INSIG2: variants seen among roughly 807,000 people sequenced by gnomAD.
INSIG2 encodes the protein insulin induced gene 2, also known as insulin-induced gene 2 protein.
INSIG2 carries 10 observed loss-of-function variants against 27.2 expected under a neutral mutation model. The observed-to-expected ratio is 0.37, with a 90% CI of 0.23 to 0.62. The LOEUF (loss-of-function observed/expected upper bound fraction) is 0.62. INSIG2 is among the 20% of genes least tolerant of loss of function. INSIG2 has a pLI of 0.65. For synonymous variants in INSIG2, 97 were observed against 95.8 expected, an observed-to-expected ratio of 1.01 and a Z score of -0.07; for missense variants, 178 against 270.2, an observed-to-expected ratio of 0.66 and a Z score of 2.39.
chr2:118,093,663 T>TGAG (rs762434302), intron 1 of INSIG2, among the ~76,000 whole-genome samples: 958 of 24,290 alleles, frequency 0.039, 61 homozygotes, highest in African/African-American at 0.087. Flanking sequence ...ATGATGATGA[T>TGAG]GAGGAGGAGG....
chr2:118,109,341 T>C lies in INSIG2; in HGVS notation c.*1019T>C, dbSNP rs1678756341. 1 of 152,200 alleles carries C rather than the reference T, an allele frequency of 6.6e-6. No individual in the cohort carries two copies. The highest frequency in any genetic ancestry group is 1.5e-5 in the Non-Finnish European group (1 of 68,030). The allele number at this position is 152,200 out of a possible 1,614,324, so 9.4% of individuals were successfully genotyped here. On this transcript the variant is annotated 3_prime_UTR_variant, in exon 6 of 6. Coordinates refer to ENST00000245787, the MANE Select transcript of INSIG2 (RefSeq NM_016133.4). ...GACTCGTTGGTGGAATGCCTAGGTT[T>C]TTCATCTTACATGCAGTCTTGGGGG... is the stretch of plus-strand genomic sequence containing the variant.
intron 2 of INSIG2, 116 bp from the exon 3 acceptor site, chr2:118,103,080 GT>G (rs761963504): frequency 0.031 from 19,453 of 630,968 alleles, 14 homozygotes; most frequent in Middle Eastern, 0.036. Context: ...TTTTTTTTTT[GT>G]TTTTTTTTTT....
intron 3 of INSIG2, 141 bp downstream of exon 3, chr2:118,103,462 G>A: frequency 1.5e-6 from 1 of 657,692 alleles, no homozygotes; most frequent in Non-Finnish European, 2.5e-6. Flanking sequence ...CCATATTGTT[G>A]AAACATCGGT....
chr2:118,103,129 T>A, intron 2 of INSIG2, 68 bp from the exon 3 acceptor site: 8 of 1,367,114 alleles, frequency 5.9e-6, no homozygotes, highest in Non-Finnish European at 7.9e-6. Flanking sequence ...GTTGTAGTGA[T>A]TCTTTTAGCT....
intron 2 of INSIG2, among the ~76,000 whole-genome samples, chr2:118,100,033 T>C (rs1573573580): frequency 6.6e-6 from 1 of 152,306 alleles, no homozygotes; most frequent in Middle Eastern, 3.4e-3. Flanking sequence ...CCTTGACTGC[T>C]TTTTTCTTCT....
chr2:118,103,425 C>A, intron 3 of INSIG2, 104 bp downstream of exon 3: 1 of 919,702 alleles, frequency 1.1e-6, no homozygotes, highest in Non-Finnish European at 1.6e-6. Flanking sequence ...TTATGATATG[C>A]CCACTTAGTC....
intron 1 of INSIG2, among the ~76,000 whole-genome samples, chr2:118,094,368 G>GATGATGATGATGATA (rs1315891091): frequency 6.2e-4 from 1 of 1,606 alleles, no homozygotes; most frequent in East Asian, 0.013. Context: ...AAAGCAACCA[G>GATGATGATGATGATA]ATGATGATGA....
intron 4 of INSIG2, 74 bp from the exon 5 acceptor site, chr2:118,107,016 T>A (rs1311787682): frequency 8.2e-6 from 12 of 1,467,136 alleles, no homozygotes; most frequent in Non-Finnish European, 1.0e-5. Context: ...ACAGAGTAGT[T>A]TATTTTCATT....
intron 1 of INSIG2, among the ~76,000 whole-genome samples, chr2:118,088,887 A>G (rs1343005294): frequency 2.6e-5 from 4 of 152,178 alleles, no homozygotes; most frequent in Non-Finnish European, 5.9e-5. Context: ...GCGAGCTGTC[A>G]AGCATAGAGC....
At chr2:118,093,660 T>TGAGGAG (rs546540684) in intron 1 of INSIG2, among the ~76,000 whole-genome samples, 730 of 50,708 alleles carry the variant, frequency 0.014, 84 homozygotes, top group Non-Finnish European at 0.026. Flanking sequence ...CAGATGATGA[T>TGAGGAG]GATGAGGAGG....
At chr2:118,102,291 A>C (rs1678566455) in intron 2 of INSIG2, among the ~76,000 whole-genome samples, 1 of 152,248 alleles carries the variant, frequency 6.6e-6, no homozygotes, top group African/African-American at 2.4e-5. Context: ...CTTCCCACTA[A>C]ATGAATAAAA....
intron 1 of INSIG2, among the ~76,000 whole-genome samples, chr2:118,094,465 C>G (rs770256542): frequency 6.6e-6 from 1 of 152,164 alleles, no homozygotes; most frequent in African/African-American, 2.4e-5. Context: ...GATTCCACAG[C>G]AAGGAATGGT....
At chr2:118,093,944 G>GAT (rs1558832786) in intron 1 of INSIG2, among the ~76,000 whole-genome samples, 2 of 8,040 alleles carry the variant, frequency 2.5e-4, no homozygotes, top group Non-Finnish European at 4.4e-4. Flanking sequence ...ATGATGATGA[G>GAT]GAGGAGGAGG....
At chr2:118,094,873 C>G (rs1032075983) in intron 1 of INSIG2, among the ~76,000 whole-genome samples, 1 of 152,154 alleles carries the variant, frequency 6.6e-6, no homozygotes, top group African/African-American at 2.4e-5. Flanking sequence ...CTGGAAAACT[C>G]AGAGGAAATG....
intron 3 of INSIG2, among the ~76,000 whole-genome samples, chr2:118,105,134 G>A (rs557768683): frequency 1.3e-4 from 20 of 152,172 alleles, no homozygotes; most frequent in Non-Finnish European, 2.4e-4. Context: ...TTCGCCTCCC[G>A]GGTTCACGCC....
rs1678785928 is a variant in INSIG2, at chr2:118,110,445, A to T, written c.*2123A>T. 1 of 152,160 alleles carries T rather than the reference A, an allele frequency of 6.6e-6. No homozygotes were observed. Among genetic ancestry groups the T allele is most frequent in the Non-Finnish European group, 1.5e-5 (1 of 68,018 alleles). The allele number at this position is 152,160 out of a possible 1,614,324, so 9.4% of individuals were successfully genotyped here. A position where few individuals can be genotyped will look rare whatever the true frequency, so the allele number is the denominator to read the frequency against. Reference sequence around the variant, plus strand: ...CATGCTGAGTAGTAGGCTGAGGAGGAGGAGGAGGAGGGGTTGGTCTTGCTG... The same window carrying T: ...CATGCTGAGTAGTAGGCTGAGGAGGTGGAGGAGGAGGGGTTGGTCTTGCTG... On this transcript the variant is annotated 3_prime_UTR_variant, in exon 6 of 6. Transcript: ENST00000245787.
rs1678728260 is a variant in INSIG2 at position 118,108,385 on chromosome 2, T to C, written c.*63T>C. 4 of 1,296,576 alleles carry C rather than the reference T, an allele frequency of 3.1e-6. No homozygotes were observed. The South Asian group carries it at 5.0e-5, about 16-fold the overall frequency. The allele number at this position is 1,296,576 out of a possible 1,614,324, so 80.3% of individuals were successfully genotyped here. A position where few individuals can be genotyped will look rare whatever the true frequency, so the allele number is the denominator to read the frequency against. ...TGAAAAGGATGTGAAATGGTAGATA[T>C]ACCAACAAAACTTCAGACTGTAAAA... is the stretch of plus-strand genomic sequence containing the variant. On this transcript the variant is annotated 3_prime_UTR_variant, in exon 6 of 6. Coordinates refer to ENST00000245787, the MANE Select transcript of INSIG2 (RefSeq NM_016133.4).
At chr2:118,091,116 CT>C (rs1229547826) in intron 1 of INSIG2, among the ~76,000 whole-genome samples, 1 of 152,160 alleles carries the variant, frequency 6.6e-6, no homozygotes, top group Non-Finnish European at 1.5e-5. Flanking sequence ...TATAGATCCA[CT>C]TTGTTTTAAG....
At chr2:118,097,328 G>C (rs561564652) in intron 2 of INSIG2, among the ~76,000 whole-genome samples, 1 of 152,290 alleles carries the variant, frequency 6.6e-6, no homozygotes, top group East Asian at 1.9e-4. Flanking sequence ...CCACCATTTG[G>C]TTTTAAGGGT....
Sources: gnomAD v4.1 joint callset for allele counts (sites outside exome capture counted in the v4.1 genomes callset) on GRCh38, gnomAD v4.1.1 for gene constraint, MANE v1.5 for transcripts, NCBI Gene and HGNC (gene_info 2026-07-23, HGNC 2026-07-21) for gene names.